The following WWOX variants were observed in gnomAD, a reference collection of about 807,000 sequenced individuals.
WWOX encodes the protein WW domain-containing oxidoreductase.
Under a neutral mutation model 46.2 loss-of-function variants are expected in WWOX, and 69 were observed. The observed-to-expected ratio is 1.49, with a 90% CI of 1.23 to 1.82. The LOEUF is 1.82. WWOX is among the 40% of genes most tolerant of loss of function. WWOX has a pLI of 0.00. For missense variants in WWOX, 919 were observed against 542.6 expected (o/e 1.69, Z -6.89); for synonymous variants, 359 against 202.6 (o/e 1.77, Z -6.56).
At chr16:78,873,716 A>T (rs1385017422) in intron 8 of WWOX, among the ~76,000 whole-genome samples, 1 of 152,144 alleles carries the variant, frequency 6.6e-6, no homozygotes, top group East Asian at 1.9e-4. Context: ...TTGAGGCCGG[A>T]AGTTCAAGGC....
intron 5 of WWOX, among the ~76,000 whole-genome samples, chr16:78,229,533 A>AT (rs369604047): frequency 0.3 from 43,258 of 145,374 alleles, 6,774 homozygotes; most frequent in South Asian, 0.43. Flanking sequence ...TATATATATA[A>AT]AATAATGAAT....
At chr16:78,598,320 G>T (rs1432297655) in intron 8 of WWOX, among the ~76,000 whole-genome samples, 1 of 152,230 alleles carries the variant, frequency 6.6e-6, no homozygotes, top group Non-Finnish European at 1.5e-5. Flanking sequence ...GTGTAAGACT[G>T]TCTGTCACGT....
chr16:78,888,641 AT>A (rs2044519602), intron 8 of WWOX, among the ~76,000 whole-genome samples: 2 of 152,140 alleles, frequency 1.3e-5, no homozygotes, highest in African/African-American at 4.8e-5. Context: ...GCCAGAACTT[AT>A]TTTTATGTTG....
At position 78,842,836 on chromosome 16, in the gene WWOX, G is replaced by C. The variant is rs373694288; in HGVS notation, c.1057-368772G>C. On this transcript the variant is annotated intron_variant, in intron 8 of 8. Coordinates refer to ENST00000566780, the MANE Select transcript of WWOX (RefSeq NM_016373.4). ...CACTGCACACCAGCCGGGGGTGACA[G>C]AGTGAGACCCTATCTCAAATAAAAA... is the stretch of plus-strand genomic sequence containing the variant. Among the ~76,000 whole-genome samples, 36 of 135,096 alleles carry C rather than the reference G, an allele frequency of 2.7e-4. 1 individual carries two copies. Among genetic ancestry groups the C allele is most frequent in the African/African-American group, 7.7e-4 (31 of 40,308 alleles). 88.6% of individuals were successfully genotyped at this position (135,096 alleles called of 152,430 possible). A position where few individuals can be genotyped will look rare whatever the true frequency, so the allele number is the denominator to read the frequency against.
intron 8 of WWOX, among the ~76,000 whole-genome samples, chr16:78,737,771 C>G (rs1182886938): frequency 1.3e-5 from 2 of 152,066 alleles, no homozygotes; most frequent in Non-Finnish European, 2.9e-5. Context: ...ACCTGATTTC[C>G]CCCATCTGGC....
intron 8 of WWOX, among the ~76,000 whole-genome samples, chr16:78,613,195 G>T (rs181273532): frequency 8.5e-5 from 13 of 152,180 alleles, no homozygotes; most frequent in Non-Finnish European, 1.9e-4. Flanking sequence ...CCATCACCCC[G>T]ATCACATGAA....
intron 8 of WWOX, among the ~76,000 whole-genome samples, chr16:78,921,751 G>A (rs537897341): frequency 1.3e-5 from 2 of 152,168 alleles, no homozygotes; most frequent in African/African-American, 2.4e-5. Context: ...TGAGGAGTAA[G>A]GGGTAACTGC....
At chr16:78,192,442 A>C (rs578132510) in intron 5 of WWOX, among the ~76,000 whole-genome samples, 2 of 148,714 alleles carry the variant, frequency 1.3e-5, no homozygotes, top group Non-Finnish European at 3.0e-5. Context: ...CAGTGAGCCG[A>C]GATCGCACCA....
At chr16:79,202,768 G>A (rs2051385434) in intron 8 of WWOX, 1 of 152,150 alleles carries the variant, frequency 6.6e-6, no homozygotes, top group Non-Finnish European at 1.5e-5. Flanking sequence ...TAGCTTGTTA[G>A]TATTTACATA....
At chr16:78,683,521 C>T (rs1336136411) in intron 8 of WWOX, among the ~76,000 whole-genome samples, 1 of 150,258 alleles carries the variant, frequency 6.7e-6, no homozygotes, top group Non-Finnish European at 1.5e-5. Context: ...GCCTGGCTGA[C>T]AGAGGGAGAC....
chr16:78,107,556 G>A (rs1334776695), intron 1 of WWOX, among the ~76,000 whole-genome samples: 1 of 152,172 alleles, frequency 6.6e-6, no homozygotes, highest in African/African-American at 2.4e-5. Flanking sequence ...CTTGACCAAA[G>A]GTGCACAGCG....
At position 78,338,321 on chromosome 16, in the gene WWOX, G is replaced by T. The variant is rs4887955; in HGVS notation, c.517-48539G>T. 1.7e-5 allele frequency among the ~76,000 whole-genome samples: 2 copies of T among 120,616 alleles called. 1 individual carries two copies. The highest frequency in any genetic ancestry group is 3.9e-5 in the Non-Finnish European group (2 of 50,636). 79.1% of individuals were successfully genotyped at this position (120,616 alleles called of 152,430 possible). A position where few individuals can be genotyped will look rare whatever the true frequency, so the allele number is the denominator to read the frequency against. ...CCAACACCCTCATGGATTCCCAGCT[G>T]CTGAGAGTTTGAATAGTATGTGAAG... On this transcript the variant is annotated intron_variant, in intron 5 of 8. Transcript: ENST00000566780.
At chr16:79,181,591 A>G (rs1168322190) in intron 8 of WWOX, among the ~76,000 whole-genome samples, 2 of 152,008 alleles carry the variant, frequency 1.3e-5, no homozygotes, top group Non-Finnish European at 2.9e-5. Flanking sequence ...GCACTTCATC[A>G]TATAGTTGTA....
intron 8 of WWOX, among the ~76,000 whole-genome samples, chr16:78,911,908 C>G (rs60076537): frequency 0.028 from 4,236 of 152,048 alleles, 227 homozygotes; most frequent in East Asian, 0.17. Context: ...CTATCATTCT[C>G]AAGCTTAGTG....
At chr16:79,036,905 G>T (rs888505711) in intron 8 of WWOX, among the ~76,000 whole-genome samples, 2 of 152,162 alleles carry the variant, frequency 1.3e-5, no homozygotes, top group African/African-American at 4.8e-5. Flanking sequence ...TTTCAGATGG[G>T]CAATAAGTGG....
rs751349395 is a variant in WWOX at position 79,181,894 on chromosome 16, A to G, written c.1057-29714A>G. Among the ~76,000 whole-genome samples the G allele has an allele frequency of 5.9e-5, 9 of 152,312 alleles. No homozygotes were observed. The South Asian group carries it at 8.3e-4, about 14-fold the overall frequency. ...AACCCTAGGAATAATTCTGTTCCCC[A>G]CTGGGATAGAGCATTGTTATTAATA... On this transcript the variant is annotated intron_variant, in intron 8 of 8. Transcript: ENST00000566780.
chr16:78,738,205 C>G (rs1827137377), intron 8 of WWOX, among the ~76,000 whole-genome samples: 1 of 152,162 alleles, frequency 6.6e-6, no homozygotes, highest in South Asian at 2.1e-4. Flanking sequence ...TGAGAGGAGA[C>G]TGCAGTCATT....
intron 8 of WWOX, among the ~76,000 whole-genome samples, chr16:79,100,935 G>C (rs569669077): frequency 2.9e-4 from 44 of 152,024 alleles, no homozygotes; most frequent in African/African-American, 1.0e-3. Context: ...TCTCCATAGG[G>C]GTTAGGCGTA....
At chr16:78,120,473 G>C (rs1294775137) in intron 4 of WWOX, among the ~76,000 whole-genome samples, 1 of 152,072 alleles carries the variant, frequency 6.6e-6, no homozygotes, top group Non-Finnish European at 1.5e-5. Flanking sequence ...GGGAGGCTGA[G>C]GCAGGAGAAT....
Sources: gnomAD v4.1 joint callset for allele counts (sites outside exome capture counted in the v4.1 genomes callset) on GRCh38, gnomAD v4.1.1 for gene constraint, MANE v1.5 for transcripts, NCBI Gene and HGNC (gene_info 2026-07-23, HGNC 2026-07-21) for gene names.